SLC5A4: variants seen among roughly 807,000 people sequenced by gnomAD.
SLC5A4 encodes the protein probable glucose sensor protein SLC5A4.
Under a neutral mutation model 70.3 loss-of-function variants are expected in SLC5A4, and 55 were observed. The observed-to-expected ratio is 0.78, with a 90% confidence interval of 0.63 to 0.98. The LOEUF (loss-of-function observed/expected upper bound fraction) is 0.98. Among genes scored for constraint, SLC5A4 ranks in the 50% least tolerant of loss-of-function variants. SLC5A4 has a pLI of 0.00. For missense variants in SLC5A4, 735 were observed against 839.2 expected, an observed-to-expected ratio of 0.88 and a Z score of 1.53; for synonymous variants, 268 against 305.7, an observed-to-expected ratio of 0.88 and a Z score of 1.29.
the SLC5A4 span, among the ~76,000 whole-genome samples, chr22:32,338,709 G>A: frequency 6.6e-6 from 1 of 152,176 alleles, no homozygotes; most frequent in African/African-American, 2.4e-5. Context: ...ACCCCATACT[G>A]GAGAGGGTGC....
chr22:32,242,074 T>C (rs2145684502), intron 5 of SLC5A4, among the ~76,000 whole-genome samples: 1 of 152,312 alleles, frequency 6.6e-6, no homozygotes, highest in South Asian at 2.1e-4. Context: ...TATGTATGTG[T>C]GTGTGTGAAT....
the SLC5A4 span, among the ~76,000 whole-genome samples, chr22:32,334,709 G>A: frequency 6.6e-6 from 1 of 152,232 alleles, no homozygotes; most frequent in African/African-American, 2.4e-5. Flanking sequence ...ACGGTGAGAT[G>A]TCCCAGGGAT....
intron 2 of SLC5A4, among the ~76,000 whole-genome samples, chr22:32,253,181 A>G (rs537497743): frequency 6.6e-6 from 1 of 152,316 alleles, no homozygotes; most frequent in South Asian, 2.1e-4. Context: ...AATGAGTCAG[A>G]TCTGTGAAGG....
chr22:32,328,802 G>C, the SLC5A4 span, among the ~76,000 whole-genome samples: 26 of 152,366 alleles, frequency 1.7e-4, no homozygotes, highest in East Asian at 3.5e-3. Context: ...CAAGGCCTCA[G>C]GGCAGTGCTA....
At chr22:32,353,555 C>T in the SLC5A4 span, among the ~76,000 whole-genome samples, 1 of 152,046 alleles carries the variant, frequency 6.6e-6, no homozygotes, top group Non-Finnish European at 1.5e-5. Flanking sequence ...GACCACCCGT[C>T]ACTGACACCA....
intron 6 of SLC5A4, among the ~76,000 whole-genome samples, chr22:32,237,831 A>G (rs1926151071): frequency 6.6e-6 from 1 of 152,214 alleles, no homozygotes; most frequent in Non-Finnish European, 1.5e-5. Context: ...TTCTAGACTA[A>G]CTAGGCTCTC....
At chr22:32,229,666 G>A in intron 10 of SLC5A4, among the ~76,000 whole-genome samples, 1 of 152,198 alleles carries the variant, frequency 6.6e-6, no homozygotes, top group African/African-American at 2.4e-5. Context: ...GGGGACTAGG[G>A]GTGGCAGCGG....
the SLC5A4 span, among the ~76,000 whole-genome samples, chr22:32,353,597 A>G: frequency 6.6e-6 from 1 of 151,818 alleles, no homozygotes. Flanking sequence ...AGCCCCCAAC[A>G]GCACCCCTAA....
chr22:32,310,778 A>C, the SLC5A4 span, among the ~76,000 whole-genome samples: 1 of 152,160 alleles, frequency 6.6e-6, no homozygotes, highest in Admixed American at 6.5e-5. Context: ...CCCCTTCTTC[A>C]TGGGGCTGTT....
the SLC5A4 span, among the ~76,000 whole-genome samples, chr22:32,313,235 A>C: frequency 2.0e-5 from 3 of 152,232 alleles, no homozygotes; most frequent in Non-Finnish European, 4.4e-5. Flanking sequence ...AACAGTGTGC[A>C]TTGACCTCAG....
chr22:32,235,436 G>A (rs1048711825), intron 7 of SLC5A4, among the ~76,000 whole-genome samples: 7 of 152,148 alleles, frequency 4.6e-5, no homozygotes. Flanking sequence ...AAACTGGAAG[G>A]TGAGCTAACA....
intron 13 of SLC5A4, among the ~76,000 whole-genome samples, chr22:32,223,984 G>A (rs1925235241): frequency 1.3e-5 from 2 of 151,962 alleles, no homozygotes; most frequent in African/African-American, 2.4e-5. Context: ...GCAGTGGCCC[G>A]ATCTTGGCTC....
chr22:32,328,486 C>G, the SLC5A4 span, among the ~76,000 whole-genome samples: 1 of 152,188 alleles, frequency 6.6e-6, no homozygotes, highest in African/African-American at 2.4e-5. Flanking sequence ...GGGTGGTCAG[C>G]TGTCATGCCA....
chr22:32,224,297 G>C lies in SLC5A4; in HGVS notation c.1635C>G (p.Ser545=), dbSNP rs1569365660. ...CATCAGGAATGGGTTTTGTTAAGAG[G>C]GAAATTCCCAGGGTGACCAGCATGG... ...FGSMLVTLGI[S]LLTKPIPDVH... is the part of the protein sequence containing the mutation. Residue 545 remains serine, a synonymous_variant, in exon 13 of 15, where the codon TCC becomes TCG. Transcript: ENST00000266086. 1 of 1,613,796 alleles carries C rather than the reference G, an allele frequency of 6.2e-7. No homozygotes were observed. Among genetic ancestry groups the C allele is most frequent in the Non-Finnish European group, 8.5e-7 (1 of 1,179,740 alleles).
At chr22:32,273,242 A>G in the SLC5A4 span, 1 of 331,798 alleles carries the variant, frequency 3.0e-6, no homozygotes. Context: ...ATATTCATAT[A>G]CTATAATGCA....
At chr22:32,333,201 C>CT in the SLC5A4 span, among the ~76,000 whole-genome samples, 1 of 147,414 alleles carries the variant, frequency 6.8e-6, no homozygotes, top group African/African-American at 2.5e-5. Context: ...CTGGCACCCC[C>CT]CCCCCAGAAG....
chr22:32,300,265 C>T, the SLC5A4 span, among the ~76,000 whole-genome samples: 1 of 142,670 alleles, frequency 7.0e-6, no homozygotes, highest in Non-Finnish European at 1.5e-5. Context: ...TCGCTGCTGC[C>T]TTGCAGTTTG....
At chr22:32,303,212 G>C in the SLC5A4 span, among the ~76,000 whole-genome samples, 19 of 152,278 alleles carry the variant, frequency 1.2e-4, no homozygotes, top group African/African-American at 4.6e-4. Flanking sequence ...GCACAGCTTG[G>C]TTTTATACAT....
In SLC5A4 at chr22:32,241,861, G is replaced by GTATA. The variant is rs1555989988; in HGVS notation, c.478-2775_478-2772dup. ...TATCTGTGTGTGTGTGTGTGTGTGT[G>GTATA]TATATATATGTGTGTATATATATAT... is the stretch of plus-strand genomic sequence containing the variant. On this transcript the variant is annotated intron_variant, in intron 5 of 14. Coordinates refer to ENST00000266086, the MANE Select transcript of SLC5A4 (RefSeq NM_014227.3). Among the ~76,000 whole-genome samples, 146 of 148,740 alleles carry GTATA rather than the reference G, an allele frequency of 9.8e-4. 3 individuals carry two copies. The highest frequency in any genetic ancestry group is 3.5e-3 in the Middle Eastern group (1 of 288).
Sources: gnomAD v4.1 joint callset for allele counts (sites outside exome capture counted in the v4.1 genomes callset) on GRCh38, gnomAD v4.1.1 for gene constraint, MANE v1.5 for transcripts, NCBI Gene and HGNC (gene_info 2026-07-23, HGNC 2026-07-21) for gene names.